ANOS1: variants seen among roughly 807,000 people sequenced by gnomAD.
ANOS1 encodes the protein anosmin-1.
Under a neutral mutation model 59.0 loss-of-function variants are expected in ANOS1, and 6 were observed. That is an observed-to-expected ratio of 0.10 (90% confidence interval 0.06 to 0.20). ANOS1 has a LOEUF of 0.20. Among genes scored for constraint, ANOS1 ranks in the 10% least tolerant of loss-of-function variants. The pLI is 1.00. For missense variants in ANOS1, 433 were observed against 542.3 expected (o/e 0.80, Z 2.00); for synonymous variants, 217 against 223.4 (o/e 0.97, Z 0.25).
At chrX:8,557,595 T>G (rs1020493115) in intron 8 of ANOS1, among the ~76,000 whole-genome samples, 1 of 112,419 alleles carries the variant, frequency 8.9e-6, no homozygotes, top group Non-Finnish European at 1.9e-5. Flanking sequence ...CACTGGTCAT[T>G]AGAGAAATGC....
At chrX:8,668,295 T>A (rs1273636705) in intron 2 of ANOS1, among the ~76,000 whole-genome samples, 1 of 105,559 alleles carries the variant, frequency 9.5e-6, no homozygotes, top group Non-Finnish European at 1.9e-5. Flanking sequence ...TAGTTTTCCA[T>A]TCCTGAGTTA....
chrX:8,716,598 C>G (rs1391761559), intron 1 of ANOS1, among the ~76,000 whole-genome samples: 1 of 111,976 alleles, frequency 8.9e-6, no homozygotes, highest in Non-Finnish European at 1.9e-5. Context: ...ACAGTGCACT[C>G]TGGATCACCC....
intron 4 of ANOS1, among the ~76,000 whole-genome samples, chrX:8,596,367 C>T (rs1459820234): frequency 9.0e-6 from 1 of 111,398 alleles, no homozygotes; most frequent in Non-Finnish European, 1.9e-5. Context: ...CCAAACTATA[C>T]CTAATACAAT....
chrX:8,577,184 C>T (rs916241911), intron 6 of ANOS1, among the ~76,000 whole-genome samples: 1 of 112,027 alleles, frequency 8.9e-6, no homozygotes, highest in South Asian at 3.7e-4. Flanking sequence ...CTGTTTATCC[C>T]TAATTTTACA....
chrX:8,532,439 T>G lies in ANOS1; in HGVS notation c.*556A>C, dbSNP rs888103321. The G allele has an allele frequency of 5.4e-5, 6 of 112,045 alleles. No homozygotes were observed. The highest frequency in any genetic ancestry group is 1.9e-4 in the African/African-American group (6 of 30,787). The allele number at this position is 112,045 out of a possible 1,213,427, so 9.2% of individuals were successfully genotyped here. ...AAGGTACTTAAAGTAGGAGCATTTT[T>G]AGATTTAAATTCGCTGGTATATTTT... On this transcript the variant is annotated 3_prime_UTR_variant, in exon 14 of 14. Transcript: ENST00000262648.
intron 3 of ANOS1, among the ~76,000 whole-genome samples, chrX:8,599,048 A>G (rs1930793865): frequency 8.9e-6 from 1 of 111,851 alleles, no homozygotes; most frequent in Admixed American, 9.5e-5. Context: ...GAGAGACGCC[A>G]GAATGCTGTC....
chrX:8,582,712 CAGGATCCGGA>C (rs1214306592), intron 6 of ANOS1, among the ~76,000 whole-genome samples: 3 of 111,260 alleles, frequency 2.7e-5, no homozygotes, highest in Non-Finnish European at 3.8e-5. Flanking sequence ...GTCTGAAACC[CAGGATCCGGA>C]AGTGGGGATC....
intron 1 of ANOS1, among the ~76,000 whole-genome samples, chrX:8,721,833 T>C (rs1185019341): frequency 1.8e-5 from 2 of 112,588 alleles, no homozygotes; most frequent in Non-Finnish European, 3.8e-5. Flanking sequence ...TATTTATTCC[T>C]TCTCTAACAA....
At chrX:8,661,149 G>A (rs1932030753) in intron 2 of ANOS1, among the ~76,000 whole-genome samples, 1 of 110,992 alleles carries the variant, frequency 9.0e-6, no homozygotes, top group South Asian at 3.9e-4. Context: ...GTCCTCATGT[G>A]GTCGACCCTC....
intron 3 of ANOS1, among the ~76,000 whole-genome samples, chrX:8,603,941 C>G (rs1930891715): frequency 9.0e-6 from 1 of 111,708 alleles, no homozygotes; most frequent in African/African-American, 3.3e-5. Context: ...CCATCATTAC[C>G]ATCATCATTA....
chrX:8,565,211 G>T (rs947648304), intron 8 of ANOS1, among the ~76,000 whole-genome samples: 1 of 111,957 alleles, frequency 8.9e-6, no homozygotes, highest in Admixed American at 9.5e-5. Context: ...TTTCTAATGG[G>T]GAAAGAATGT....
intron 1 of ANOS1, among the ~76,000 whole-genome samples, chrX:8,728,458 C>T (rs1932939433): frequency 8.9e-6 from 1 of 111,779 alleles, no homozygotes; most frequent in Non-Finnish European, 1.9e-5. Flanking sequence ...GAAGGGTTAA[C>T]ATTCAGGAAG....
At chrX:8,728,220 C>CA (rs1454591865) in intron 1 of ANOS1, among the ~76,000 whole-genome samples, 1 of 112,075 alleles carries the variant, frequency 8.9e-6, no homozygotes, top group African/African-American at 3.2e-5. Context: ...TGTGATGAGC[C>CA]AACTTTTCAA....
chrX:8,719,341 T>G (rs1402919181), intron 1 of ANOS1, among the ~76,000 whole-genome samples: 9 of 112,194 alleles, frequency 8.0e-5, no homozygotes, highest in Non-Finnish European at 7.5e-5. Flanking sequence ...CTTGCAATAA[T>G]GCCCTATTAG....
intron 8 of ANOS1, among the ~76,000 whole-genome samples, chrX:8,567,092 G>A (rs1290351699): frequency 8.9e-6 from 1 of 111,850 alleles, no homozygotes. Flanking sequence ...CTTGCTAGGA[G>A]CCCCTGCATG....
At chrX:8,677,934 C>T (rs1209042251) in intron 2 of ANOS1, among the ~76,000 whole-genome samples, 2 of 111,010 alleles carry the variant, frequency 1.8e-5, no homozygotes, top group Non-Finnish European at 3.8e-5. Flanking sequence ...GAACAGATAT[C>T]GATGGGTTGT....
intron 10 of ANOS1, 86 bp downstream of exon 10, chrX:8,539,578 A>C: frequency 8.4e-7 from 1 of 1,189,084 alleles, no homozygotes; most frequent in African/African-American, 1.7e-5. Context: ...TGTGGGAATG[A>C]GTTATCTGTT....
At chrX:8,627,935 G>C (rs1931423856) in intron 2 of ANOS1, among the ~76,000 whole-genome samples, 1 of 111,021 alleles carries the variant, frequency 9.0e-6, no homozygotes, top group Admixed American at 9.6e-5. Flanking sequence ...TGGGTAAAAT[G>C]AGGCCAAGAA....
At chrX:8,659,536 T>C (rs1462587315) in intron 2 of ANOS1, among the ~76,000 whole-genome samples, 1 of 93,284 alleles carries the variant, frequency 1.1e-5, no homozygotes, top group African/African-American at 5.0e-5. Context: ...TCTTTCTTTC[T>C]CTTTCCTTCC....
Sources: gnomAD v4.1 joint callset for allele counts (sites outside exome capture counted in the v4.1 genomes callset) on GRCh38, gnomAD v4.1.1 for gene constraint, MANE v1.5 for transcripts, NCBI Gene and HGNC (gene_info 2026-07-23, HGNC 2026-07-21) for gene names.